ROBO2: variants seen among roughly 807,000 people sequenced by gnomAD.
The protein encoded by ROBO2 is roundabout homolog 2.
ROBO2 carries 53 observed loss-of-function variants against 160.8 expected under a neutral mutation model. The observed-to-expected ratio is 0.33, with a 90% CI of 0.26 to 0.41. The LOEUF is 0.41. Ranked by LOEUF, ROBO2 falls within the 10% of genes least tolerant of loss-of-function variation. The probability of loss-of-function intolerance (pLI) is 1.00; values close to 1 mark genes in which losing one functional copy is unlikely to be tolerated. For synonymous variants in ROBO2, 664 were observed against 611.7 expected, an observed-to-expected ratio of 1.09 and a Z score of -1.26; for missense variants, 1,577 against 1,722.4, an observed-to-expected ratio of 0.92 and a Z score of 1.49.
At chr3:77,498,610 C>CT (rs77599654) in intron 5 of ROBO2, among the ~76,000 whole-genome samples, 2,772 of 142,534 alleles carry the variant, frequency 0.019, 31 homozygotes, top group African/African-American at 0.036. Context: ...CTTATAATTC[C>CT]TTTTTTTTTT....
chr3:77,442,450 T>A (rs2080049148), intron 2 of ROBO2, among the ~76,000 whole-genome samples: 2 of 152,204 alleles, frequency 1.3e-5, no homozygotes, highest in Admixed American at 6.5e-5. Flanking sequence ...TCAAACTTTT[T>A]TCACCCAATG....
intron 2 of ROBO2, among the ~76,000 whole-genome samples, chr3:76,682,328 T>C (rs576536224): frequency 6.6e-6 from 1 of 152,226 alleles, no homozygotes; most frequent in Admixed American, 6.6e-5. Context: ...AGGCTGTACA[T>C]ATTGGTGTGG....
At chr3:76,037,758 A>G (rs568584757) in intron 2 of ROBO2, among the ~76,000 whole-genome samples, 2 of 152,196 alleles carry the variant, frequency 1.3e-5, no homozygotes, top group South Asian at 2.1e-4. Flanking sequence ...TAATTTTGTC[A>G]TTTGAATAAA....
chr3:76,766,529 T>C (rs908434501), intron 2 of ROBO2, among the ~76,000 whole-genome samples: 1 of 151,696 alleles, frequency 6.6e-6, no homozygotes, highest in Non-Finnish European at 1.5e-5. Flanking sequence ...GAACATCATA[T>C]AAAATATGTG....
At chr3:77,291,022 C>T (rs1448315157) in intron 2 of ROBO2, among the ~76,000 whole-genome samples, 4 of 149,326 alleles carry the variant, frequency 2.7e-5, no homozygotes, top group Admixed American at 1.3e-4. Context: ...TCACCCCAGA[C>T]ATGAAGTAAA....
At chr3:77,372,827 T>A (rs924106647) in intron 2 of ROBO2, among the ~76,000 whole-genome samples, 4 of 152,062 alleles carry the variant, frequency 2.6e-5, no homozygotes, top group Admixed American at 6.5e-5. Flanking sequence ...ATTAAGGCTT[T>A]ATTACTACAA....
At chr3:76,900,896 T>C (rs1218931932) in intron 2 of ROBO2, among the ~76,000 whole-genome samples, 2 of 152,186 alleles carry the variant, frequency 1.3e-5, no homozygotes, top group Non-Finnish European at 2.9e-5. Flanking sequence ...CTGCTCACAG[T>C]TACTCTTAAA....
chr3:76,440,237 C>CTTTTTTTATTTTATTT (rs1257939880), intron 2 of ROBO2, among the ~76,000 whole-genome samples: 3 of 151,932 alleles, frequency 2.0e-5, no homozygotes, highest in Middle Eastern at 3.4e-3. Context: ...AGTAAAAGTA[C>CTTTTTTTATTTTATTT]TTTTTTTATT....
At chr3:76,897,896 C>A (rs1275637770) in intron 2 of ROBO2, among the ~76,000 whole-genome samples, 4 of 152,080 alleles carry the variant, frequency 2.6e-5, no homozygotes, top group Admixed American at 6.6e-5. Flanking sequence ...TAATGATCAA[C>A]AACAAAAACT....
chr3:76,373,012 T>A (rs1227884374), intron 2 of ROBO2, among the ~76,000 whole-genome samples: 1 of 152,024 alleles, frequency 6.6e-6, no homozygotes, highest in East Asian at 1.9e-4. Context: ...GTTCCATATG[T>A]GAGCATCAGC....
At chr3:77,365,610 C>T (rs1250223182) in intron 2 of ROBO2, among the ~76,000 whole-genome samples, 1 of 152,114 alleles carries the variant, frequency 6.6e-6, no homozygotes, top group Non-Finnish European at 1.5e-5. Flanking sequence ...GTGTAACACT[C>T]ACTTTGTGTA....
At chr3:76,870,257 C>T (rs931615849) in intron 2 of ROBO2, among the ~76,000 whole-genome samples, 3 of 152,052 alleles carry the variant, frequency 2.0e-5, no homozygotes, top group African/African-American at 7.2e-5. Context: ...TCTACATCTC[C>T]GAGAAAGATT....
At chr3:76,838,054 T>G (rs960961587) in intron 2 of ROBO2, among the ~76,000 whole-genome samples, 9 of 152,078 alleles carry the variant, frequency 5.9e-5, no homozygotes, top group African/African-American at 1.9e-4. Context: ...CTAGCAGCCA[T>G]GAAAAAGAGT....
chr3:76,586,377 T>G (rs896377185), intron 2 of ROBO2, among the ~76,000 whole-genome samples: 18 of 152,206 alleles, frequency 1.2e-4, no homozygotes, highest in African/African-American at 4.3e-4. Context: ...TGGAATTATC[T>G]TTCAAGAATT....
intron 2 of ROBO2, among the ~76,000 whole-genome samples, chr3:77,105,428 G>A (rs1444852235): frequency 6.6e-6 from 1 of 152,116 alleles, no homozygotes; most frequent in Non-Finnish European, 1.5e-5. Context: ...GGTGGTAGGG[G>A]AGGAGGATAC....
At chr3:77,203,754 G>T (rs2083144881) in intron 2 of ROBO2, among the ~76,000 whole-genome samples, 1 of 152,140 alleles carries the variant, frequency 6.6e-6, no homozygotes, top group Non-Finnish European at 1.5e-5. Flanking sequence ...GCCGCTGTTG[G>T]AATTGATTTA....
chr3:77,399,926 A>G lies in ROBO2; in HGVS notation c.389-77488A>G, dbSNP rs556082924. On this transcript the variant is annotated intron_variant, in intron 2 of 25. Transcript: ENST00000461745. Reference sequence around the variant, plus strand: ...CACTGAAACCCATCAGCTTGACACTATGATGCAGGTTGAAATCTGCAGTGC... The same window carrying G: ...CACTGAAACCCATCAGCTTGACACTGTGATGCAGGTTGAAATCTGCAGTGC... 2.6e-5 allele frequency among the ~76,000 whole-genome samples: 4 copies of G among 152,274 alleles called. No homozygotes were observed. In the East Asian group the frequency reaches 7.7e-4, roughly 29 times the overall value.
chr3:77,013,860 T>C (rs947793348), intron 2 of ROBO2, among the ~76,000 whole-genome samples: 4 of 152,232 alleles, frequency 2.6e-5, no homozygotes, highest in Non-Finnish European at 5.9e-5. Context: ...TGATACACTT[T>C]CGTTTCTCCA....
In ROBO2 at chr3:76,423,017, A is replaced by G. The variant is rs372026051; in HGVS notation, c.109+485415A>G. Among the ~76,000 whole-genome samples, 11 of 152,282 alleles carry G rather than the reference A, an allele frequency of 7.2e-5. No individual in the cohort carries two copies. In the South Asian group the frequency reaches 2.3e-3, roughly 32 times the overall value. On this transcript the variant is annotated intron_variant, in intron 2 of 26. Transcript: ENST00000487694. ...GCGGAGGTAAGAGTCTTGCCCATATAGGAGAGGAGTTTGTCCTTTGAAAGG... is the reference window on the plus strand; with the variant it reads ...GCGGAGGTAAGAGTCTTGCCCATATGGGAGAGGAGTTTGTCCTTTGAAAGG...
Sources: allele counts gnomAD v4.1 joint callset (sites outside exome capture counted in the v4.1 genomes callset), GRCh38; gene constraint gnomAD v4.1.1; transcripts MANE v1.5; gene names NCBI Gene and HGNC (gene_info 2026-07-23, HGNC 2026-07-21).